Variants in FAM13C observed in about 807,000 individuals in gnomAD.
FAM13C encodes the protein protein FAM13C.
A neutral mutation model predicts 73.2 loss-of-function variants in FAM13C; 37 were observed. The observed-to-expected ratio is 0.51, with a 90% CI of 0.39 to 0.67. The LOEUF is 0.67. Ranked by LOEUF, FAM13C falls within the 30% of genes least tolerant of loss-of-function variation. FAM13C has a pLI of 0.00. For missense variants in FAM13C, 589 were observed against 715.6 expected (o/e 0.82, Z 2.02); for synonymous variants, 246 against 260.9 (o/e 0.94, Z 0.55).
chr10:59,304,853 G>C (rs1334580748), intron 4 of FAM13C, among the ~76,000 whole-genome samples: 1 of 106,780 alleles, frequency 9.4e-6, no homozygotes, highest in Non-Finnish European at 2.0e-5. Flanking sequence ...GGGAGGGGGA[G>C]GGGAAGGGAA....
At chr10:59,313,645 CAT>C (rs749004668) in intron 4 of FAM13C, among the ~76,000 whole-genome samples, 2 of 152,136 alleles carry the variant, frequency 1.3e-5, no homozygotes, top group East Asian at 3.9e-4. Flanking sequence ...CCAAGGTATG[CAT>C]AGTTTTTGGT....
At chr10:59,332,705 A>G (rs140991043) in intron 3 of FAM13C, among the ~76,000 whole-genome samples, 23 of 152,344 alleles carry the variant, frequency 1.5e-4, no homozygotes, top group Middle Eastern at 3.4e-3. Flanking sequence ...TTCAAAAGCA[A>G]GCAATCAAAA....
chr10:59,292,276 T>C (rs925570471), intron 5 of FAM13C, among the ~76,000 whole-genome samples: 7 of 152,250 alleles, frequency 4.6e-5, no homozygotes, highest in Non-Finnish European at 8.8e-5. Context: ...CAGTCATTTT[T>C]CCCAGAACAT....
chr10:59,283,495 G>A (rs1391817560), intron 5 of FAM13C, 48 bp from the exon 6 acceptor site: 1 of 1,583,880 alleles, frequency 6.3e-7, no homozygotes, highest in South Asian at 1.1e-5. Flanking sequence ...AGGGCTTGCA[G>A]CTTCAGCAAG....
intron 4 of FAM13C, among the ~76,000 whole-genome samples, chr10:59,315,050 C>G (rs1006756436): frequency 6.6e-6 from 1 of 152,268 alleles, no homozygotes; most frequent in East Asian, 1.9e-4. Context: ...ATAGTCATGT[C>G]TGTCCCAAAG....
chr10:59,295,963 G>A (rs1003397550), intron 5 of FAM13C, among the ~76,000 whole-genome samples: 4 of 152,228 alleles, frequency 2.6e-5, no homozygotes, highest in Admixed American at 2.0e-4. Flanking sequence ...CAGTCACACC[G>A]AAAGAATCAC....
chr10:59,274,393 C>T lies in FAM13C; in HGVS notation c.593-4284G>A, dbSNP rs189613020. 1.5e-4 allele frequency among the ~76,000 whole-genome samples: 23 copies of T among 152,202 alleles called. No homozygotes were observed. The East Asian group carries it at 3.9e-3, about 26-fold the overall frequency. ...GTAGACAGCACTGAGAAAGGAGATG[C>T]AGTATCGTCATGTCAGGTGGGAATG... On this transcript the variant is annotated intron_variant, in intron 6 of 13. Transcript: ENST00000618804.
intron 4 of FAM13C, among the ~76,000 whole-genome samples, chr10:59,321,863 CAG>C (rs534903369): frequency 6.6e-6 from 1 of 152,278 alleles, no homozygotes; most frequent in South Asian, 2.1e-4. Flanking sequence ...CCTCTTGCTA[CAG>C]AGAGATCTTT....
At chr10:59,299,521 T>C (rs2036642612) in intron 5 of FAM13C, among the ~76,000 whole-genome samples, 4 of 152,054 alleles carry the variant, frequency 2.6e-5, no homozygotes, top group Admixed American at 2.6e-4. Flanking sequence ...CTTTTTTTTT[T>C]TTTCAGGGAA....
At chr10:59,328,848 A>G (rs1851537774) in intron 3 of FAM13C, among the ~76,000 whole-genome samples, 1 of 152,236 alleles carries the variant, frequency 6.6e-6, no homozygotes, top group South Asian at 2.1e-4. Context: ...TATATCTGAT[A>G]GCACTATAAT....
intron 6 of FAM13C, among the ~76,000 whole-genome samples, chr10:59,276,914 T>C (rs948512791): frequency 1.3e-5 from 2 of 152,226 alleles, no homozygotes; most frequent in Admixed American, 6.5e-5. Flanking sequence ...TCTGTCTTTA[T>C]GATGGACATG....
chr10:59,291,840 G>A (rs1017689859), intron 5 of FAM13C, among the ~76,000 whole-genome samples: 4 of 145,994 alleles, frequency 2.7e-5, no homozygotes, highest in Admixed American at 2.1e-4. Context: ...CCAGGCTGGA[G>A]TGCAGTGGTG....
intron 1 of FAM13C, among the ~76,000 whole-genome samples, chr10:59,360,853 G>GAAAAAA (rs10615623): frequency 1.7e-5 from 1 of 57,994 alleles, no homozygotes; most frequent in Non-Finnish European, 3.9e-5. Flanking sequence ...AACCTCTACA[G>GAAAAAA]AAAAAAAAAA....
chr10:59,306,187 T>C (rs1450912033), intron 4 of FAM13C, among the ~76,000 whole-genome samples: 2 of 152,158 alleles, frequency 1.3e-5, no homozygotes, highest in Non-Finnish European at 2.9e-5. Flanking sequence ...CAGCAGATGG[T>C]AAAACAAATA....
At chr10:59,362,342 A>G (rs906889139) in intron 1 of FAM13C, 57 bp downstream of exon 1, 22 of 1,593,746 alleles carry the variant, frequency 1.4e-5, no homozygotes, top group Non-Finnish European at 1.8e-5. Context: ...TACCTTCACG[A>G]TAGTTGCTTC....
intron 6 of FAM13C, among the ~76,000 whole-genome samples, chr10:59,271,478 G>C (rs1001639083): frequency 3.3e-5 from 5 of 152,178 alleles, no homozygotes; most frequent in African/African-American, 1.2e-4. Context: ...CAGCACTGTC[G>C]GTGGCTGAGG....
chr10:59,292,224 AT>A (rs1451230063), intron 5 of FAM13C, among the ~76,000 whole-genome samples: 1 of 152,232 alleles, frequency 6.6e-6, no homozygotes, highest in Non-Finnish European at 1.5e-5. Flanking sequence ...TAGTACTTAA[AT>A]TATCCAAAAG....
intron 5 of FAM13C, among the ~76,000 whole-genome samples, chr10:59,290,303 G>A (rs1056455465): frequency 1.3e-5 from 2 of 152,142 alleles, no homozygotes; most frequent in Non-Finnish European, 1.5e-5. Flanking sequence ...CATTTAGTTC[G>A]TATGAAAGGC....
intron 8 of FAM13C, 132 bp from the exon 9 acceptor site, chr10:59,264,298 C>A: frequency 1.6e-6 from 1 of 637,740 alleles, no homozygotes; most frequent in Middle Eastern, 3.1e-4. Flanking sequence ...ATATATAAAG[C>A]TGGGAGAGAA....
Sources: allele counts gnomAD v4.1 joint callset (sites outside exome capture counted in the v4.1 genomes callset), GRCh38; gene constraint gnomAD v4.1.1; transcripts MANE v1.5; gene names NCBI Gene and HGNC (gene_info 2026-07-23, HGNC 2026-07-21).